SLC47A1: variants seen among roughly 807,000 people sequenced by gnomAD.
SLC47A1 encodes the protein solute carrier family 47 member 1.
A neutral mutation model predicts 65.8 loss-of-function variants in SLC47A1; 58 were observed. The ratio of observed to expected loss-of-function variants is 0.88; its 90% CI spans 0.71 to 1.10. The LOEUF (loss-of-function observed/expected upper bound fraction) is 1.10. Ranked by LOEUF, SLC47A1 falls within the 50% of genes least tolerant of loss-of-function variation. SLC47A1 has a pLI of 0.00. For missense variants in SLC47A1, 706 were observed against 719.2 expected (o/e 0.98, Z 0.21); for synonymous variants, 285 against 295.0 (o/e 0.97, Z 0.35).
intron 4 of SLC47A1, among the ~76,000 whole-genome samples, chr17:19,548,504 T>C (rs1435986872): frequency 6.7e-6 from 1 of 149,548 alleles, no homozygotes; most frequent in African/African-American, 2.5e-5. Flanking sequence ...TTTTTCTTTT[T>C]TTTTTTTTTT....
intron 9 of SLC47A1, 25 bp downstream of exon 9, chr17:19,555,934 G>T: frequency 6.2e-7 from 1 of 1,614,106 alleles, no homozygotes; most frequent in Non-Finnish European, 8.5e-7. Context: ...GGATGACGGG[G>T]ACTGGTGGGA....
At chr17:19,555,191 C>CA (rs1916566854) in intron 6 of SLC47A1, 21 bp from the exon 7 acceptor site, 4 of 1,607,634 alleles carry the variant, frequency 2.5e-6, no homozygotes, top group Non-Finnish European at 3.4e-6. Context: ...TCAAGGATGG[C>CA]ATGCGGTGTC....
Position 19,572,818 on chromosome 17 carries a change from T to C in SLC47A1, c.1443T>C (p.Pro481=), listed in dbSNP as rs772969050. Residue 481 remains proline (P), a synonymous_variant, in exon 16 of 17, where the codon CCT becomes CCC. Coordinates refer to ENST00000270570, the MANE Select transcript of SLC47A1 (RefSeq NM_018242.3). ...VHANLKVNNV[P]RSGNSALPQD... ...CCAATTTGAAAGTAAACAACGTGCC[T>C]CGGAGTGGGAATTCTGCTCTCCCTC... is the stretch of plus-strand genomic sequence containing the variant. The C allele has an allele frequency of 6.2e-7, 1 of 1,614,100 alleles. No individual in the cohort carries two copies.
chr17:19,577,185 T>G, intron 16 of SLC47A1, 142 bp from the exon 17 acceptor site: 1 of 1,213,992 alleles, frequency 8.2e-7, no homozygotes, highest in Middle Eastern at 2.4e-4. Context: ...GCGATAAGAT[T>G]TCTTTTATTT....
chr17:19,535,627 G>A (rs1327286422), intron 1 of SLC47A1: 2 of 152,210 alleles, frequency 1.3e-5, no homozygotes, highest in Non-Finnish European at 1.5e-5. Context: ...AGCTGGGCAT[G>A]GTGGCAGGCG....
Position 19,543,113 on chromosome 17 carries a change from C to CT in SLC47A1, c.237+633dup, listed in dbSNP as rs200136822. Among the ~76,000 whole-genome samples, 707 of 131,652 alleles carry CT rather than the reference C, an allele frequency of 5.4e-3. 7 individuals carry two copies. Among genetic ancestry groups the CT allele is most frequent in the Middle Eastern group, 0.02 (5 of 246 alleles). 86.4% of individuals were successfully genotyped at this position (131,652 alleles called of 152,430 possible). A position where few individuals can be genotyped will look rare whatever the true frequency, so the allele number is the denominator to read the frequency against. On this transcript the variant is annotated intron_variant, in intron 2 of 16. Transcript: ENST00000270570. ...AGCCTCACATCATCTTATTTCTTTT[C>CT]TTTTTTTTTTTTTTCAGACGGAGTC...
intron 7 of SLC47A1, 90 bp downstream of exon 7, chr17:19,555,399 C>A (rs906888033): frequency 1.4e-6 from 2 of 1,419,854 alleles, no homozygotes; most frequent in African/African-American, 1.4e-5. Flanking sequence ...TCAGCTGGTT[C>A]TTGTGTCCAT....
Position 19,551,417 on chromosome 17 carries a change from C to G in SLC47A1, c.499-7C>G, listed in dbSNP as rs1159695388. On this transcript the variant is annotated splice_region_variant and splice_polypyrimidine_tract_variant and intron_variant, in intron 5 of 16. Coordinates refer to ENST00000270570, the MANE Select transcript of SLC47A1 (RefSeq NM_018242.3). ...CATTAACATTCATCTCTCTTGTTCTCTTGTAGGCAACCTTTCTTTATATGT... is the reference window on the plus strand; with the variant it reads ...CATTAACATTCATCTCTCTTGTTCTGTTGTAGGCAACCTTTCTTTATATGT... The G allele has an allele frequency of 6.2e-7, 1 of 1,602,182 alleles. No individual in the cohort carries two copies. The highest frequency in any genetic ancestry group is 2.2e-5 in the East Asian group (1 of 44,744).
At position 19,571,580 on chromosome 17, in the gene SLC47A1, T is replaced by C. The variant is rs2084400407; in HGVS notation, c.1404+8T>C. The C allele has an allele frequency of 6.2e-7, 1 of 1,606,490 alleles. No homozygotes were observed. Among genetic ancestry groups the C allele is most frequent in the Non-Finnish European group, 8.5e-7 (1 of 1,173,216 alleles). ...AAAAAAGCCTGTCAGCAGGTAACTA[T>C]GTTCATTCTGTCCCGGTAAAGGTTC... On this transcript the variant is annotated splice_region_variant and intron_variant, in intron 15 of 16. Transcript: ENST00000270570.
Position 19,533,874 on chromosome 17 carries a change from T to TACTGCCGGCCTGCGCGGTACC in SLC47A1, c.-66_-65insACTGCCGGCCTGCGCGGTACC. 7.2e-7 allele frequency: 1 copy of TACTGCCGGCCTGCGCGGTACC among 1,380,840 alleles called. No homozygotes were observed. The highest frequency in any genetic ancestry group is 9.4e-7 in the Non-Finnish European group (1 of 1,067,824). The allele number at this position is 1,380,840 out of a possible 1,614,324, so 85.5% of individuals were successfully genotyped here. ...TACCCACTGCCGGCCTGCGCGGTAC[T>TACTGCCGGCCTGCGCGGTACC]CACTGCCGGCCTCCGCGGTACCCAC... On this transcript the variant is annotated 5_prime_UTR_variant, in exon 1 of 17. Transcript: ENST00000270570.
At chr17:19,576,553 C>T (rs954357378) in intron 16 of SLC47A1, among the ~76,000 whole-genome samples, 1 of 151,706 alleles carries the variant, frequency 6.6e-6, no homozygotes. Context: ...CACTATGTTG[C>T]CCAGGCTGGT....
At chr17:19,555,100 A>G in intron 6 of SLC47A1, 112 bp from the exon 7 acceptor site, 1 of 907,708 alleles carries the variant, frequency 1.1e-6, no homozygotes, top group Non-Finnish European at 1.8e-6. Flanking sequence ...CCCCCCAGCT[A>G]TGCCTGTGAT....
intron 10 of SLC47A1, among the ~76,000 whole-genome samples, chr17:19,558,540 C>T (rs189166614): frequency 6.6e-6 from 1 of 151,974 alleles, no homozygotes; most frequent in East Asian, 1.9e-4. Flanking sequence ...ACAGTCTTGA[C>T]CTCCTGGACT....
At chr17:19,547,948 T>C (rs770502343) in intron 3 of SLC47A1, 37 bp from the exon 4 acceptor site, 1 of 1,558,170 alleles carries the variant, frequency 6.4e-7, no homozygotes, top group Non-Finnish European at 8.7e-7. Flanking sequence ...GTGCTGGGTC[T>C]GTGCTAATGG....
chr17:19,560,591 C>T, intron 12 of SLC47A1, 98 bp downstream of exon 12: 1 of 1,221,094 alleles, frequency 8.2e-7, no homozygotes, highest in Non-Finnish European at 1.2e-6. Flanking sequence ...AGAAACATTG[C>T]TGTTTGAAAT....
chr17:19,576,959 C>T (rs1042403892), intron 16 of SLC47A1, among the ~76,000 whole-genome samples: 2 of 152,158 alleles, frequency 1.3e-5, no homozygotes, highest in Non-Finnish European at 2.9e-5. Flanking sequence ...ATTGGTCAGG[C>T]TGGTCTCTAA....
intron 6 of SLC47A1, 152 bp downstream of exon 6, chr17:19,551,620 C>A: frequency 1.4e-6 from 1 of 698,980 alleles, no homozygotes; most frequent in Non-Finnish European, 2.5e-6. Context: ...CAGTGTTGTG[C>A]ACACAGAACT....
chr17:19,548,930 G>T (rs1916368334), intron 4 of SLC47A1, among the ~76,000 whole-genome samples: 1 of 152,114 alleles, frequency 6.6e-6, no homozygotes, highest in African/African-American at 2.4e-5. Flanking sequence ...TAGACCAGCG[G>T]CTCTGAACCC....
intron 4 of SLC47A1, 108 bp downstream of exon 4, chr17:19,548,241 C>A: frequency 1.4e-6 from 2 of 1,381,906 alleles, no homozygotes; most frequent in South Asian, 2.7e-5. Flanking sequence ...AGGTGGTGCT[C>A]ATCTCTCCTT....
Sources: allele counts gnomAD v4.1 joint callset (sites outside exome capture counted in the v4.1 genomes callset), GRCh38; gene constraint gnomAD v4.1.1; transcripts MANE v1.5; gene names NCBI Gene and HGNC (gene_info 2026-07-23, HGNC 2026-07-21).